Variants in PRPF6 observed in about 807,000 individuals in gnomAD.
PRPF6 encodes the protein pre-mRNA processing factor 6.
A neutral mutation model predicts 118.3 loss-of-function variants in PRPF6; 42 were observed. The ratio of observed to expected loss-of-function variants is 0.35; its 90% CI spans 0.28 to 0.46. PRPF6 has a LOEUF of 0.46. Ranked by LOEUF, PRPF6 falls within the 20% of genes least tolerant of loss-of-function variation. The pLI is 1.00. For synonymous variants in PRPF6, 481 were observed against 485.1 expected, an observed-to-expected ratio of 0.99 and a Z score of 0.11; for missense variants, 662 against 1,255.7, an observed-to-expected ratio of 0.53 and a Z score of 7.15.
chr20:64,032,916 A>G lies in PRPF6; in HGVS notation c.2749A>G (p.Lys917Glu). Residue 917 changes from lysine (K) to glutamate (E), a missense_variant, in exon 21 of 21, where the codon AAG (lysine) becomes GAG (glutamate). By Grantham distance (56) the Lys-to-Glu change is moderately conservative. Coordinates refer to ENST00000266079, the MANE Select transcript of PRPF6 (RefSeq NM_012469.4). ...TGGGGAGCTGTGGTGCGCCGTGTCC[A>G]AGGACATCGCCAACTGGCAGAAGAA... Reference protein sequence around the residue: ...RHGELWCAVSKDIANWQKKIG... With the variant: ...RHGELWCAVSEDIANWQKKIG... The G allele has an allele frequency of 6.2e-7, 1 of 1,613,450 alleles. No individual in the cohort carries two copies. Among genetic ancestry groups the G allele is most frequent in the Non-Finnish European group, 8.5e-7 (1 of 1,180,036 alleles).
At chr20:63,999,270 G>A in intron 7 of PRPF6, 131 bp downstream of exon 7, 1 of 815,206 alleles carries the variant, frequency 1.2e-6, no homozygotes, top group Non-Finnish European at 2.1e-6. Flanking sequence ...GGAGTAGTTT[G>A]TTTTTTCCAT....
chr20:63,994,455 G>A (rs755787378), intron 4 of PRPF6, among the ~76,000 whole-genome samples: 7 of 152,210 alleles, frequency 4.6e-5, no homozygotes, highest in Non-Finnish European at 7.3e-5. Context: ...ACCGTGCCCG[G>A]CCTAAATTGA....
chr20:64,007,958 G>A (rs756290693), intron 9 of PRPF6, among the ~76,000 whole-genome samples: 4 of 152,092 alleles, frequency 2.6e-5, no homozygotes, highest in Admixed American at 6.6e-5. Context: ...TGTATTTTTA[G>A]TAGAGACAAG....
At chr20:64,023,496 C>T (rs2059275195) in intron 13 of PRPF6, among the ~76,000 whole-genome samples, 1 of 152,212 alleles carries the variant, frequency 6.6e-6, no homozygotes, top group South Asian at 2.1e-4. Context: ...GGGTGATGCT[C>T]CCTGTACCAG....
At chr20:64,000,912 G>A (rs894659665) in intron 8 of PRPF6, among the ~76,000 whole-genome samples, 165 bp from the exon 9 acceptor site, 2 of 152,206 alleles carry the variant, frequency 1.3e-5, no homozygotes, top group Non-Finnish European at 2.9e-5. Context: ...GTTCCCAAGT[G>A]TGGTTATAAG....
At chr20:64,024,903 C>G (rs982119018) in intron 14 of PRPF6, among the ~76,000 whole-genome samples, 1 of 152,088 alleles carries the variant, frequency 6.6e-6, no homozygotes, top group African/African-American at 2.4e-5. Flanking sequence ...ACCTCTCGGT[C>G]CCCCCACTCA....
At chr20:64,003,101 G>A (rs183811601) in intron 9 of PRPF6, among the ~76,000 whole-genome samples, 1 of 152,088 alleles carries the variant, frequency 6.6e-6, no homozygotes, top group Admixed American at 6.6e-5. Context: ...CCACCCCCAT[G>A]CCCAGCTATT....
At chr20:64,021,427 C>T (rs986048594) in intron 12 of PRPF6, among the ~76,000 whole-genome samples, 56 of 143,768 alleles carry the variant, frequency 3.9e-4, no homozygotes, top group African/African-American at 1.5e-3. Context: ...TGTGTGTGCA[C>T]GTATGCATAT....
intron 4 of PRPF6, 70 bp from the exon 5 acceptor site, chr20:63,994,846 G>T: frequency 2.5e-6 from 4 of 1,589,590 alleles, no homozygotes; most frequent in Middle Eastern, 1.7e-4. Flanking sequence ...GGTGAGAGAG[G>T]GCATGGTCCT....
chr20:64,011,020 G>A lies in PRPF6; in HGVS notation c.1306-265G>A, dbSNP rs369636268. Among the ~76,000 whole-genome samples, 3 of 152,292 alleles carry A rather than the reference G, an allele frequency of 2.0e-5. No individual in the cohort carries two copies. The highest frequency in any genetic ancestry group is 7.2e-5 in the African/African-American group (3 of 41,560). On this transcript the variant is annotated intron_variant, in intron 10 of 20. Transcript: ENST00000266079. The surrounding 1 kb of genome is among the most constrained non-coding windows in gnomAD (Gnocchi z 6.7). ...CAGCCCCTGGTATCAGGTCTGGCGT[G>A]CTGTGTGCCTGGAGGCTGTGTTTGT... is the stretch of plus-strand genomic sequence containing the variant.
At chr20:63,999,473 G>T in intron 7 of PRPF6, 130 bp from the exon 8 acceptor site, 3 of 1,302,158 alleles carry the variant, frequency 2.3e-6, no homozygotes, top group Non-Finnish European at 3.3e-6. Context: ...TTTTGAGTTG[G>T]TTTTTGTAAC....
intron 9 of PRPF6, 63 bp downstream of exon 9, chr20:64,001,302 C>G (rs2059165360): frequency 1.3e-6 from 2 of 1,571,984 alleles, no homozygotes; most frequent in South Asian, 1.1e-5. Context: ...AGCAGCTTTC[C>G]TGCTCCTGGC....
intron 6 of PRPF6, 53 bp downstream of exon 6, chr20:63,995,535 T>A: frequency 6.2e-7 from 1 of 1,608,854 alleles, no homozygotes; most frequent in Non-Finnish European, 8.5e-7. Context: ...AGTTTAATTT[T>A]GTTTTGTTTT....
chr20:64,011,066 T>G lies in PRPF6; in HGVS notation c.1306-219T>G, dbSNP rs1411509030. 1.3e-5 allele frequency among the ~76,000 whole-genome samples: 2 copies of G among 152,160 alleles called. No individual in the cohort carries two copies. Among genetic ancestry groups the G allele is most frequent in the Non-Finnish European group, 2.9e-5 (2 of 68,020 alleles). On this transcript the variant is annotated intron_variant, in intron 10 of 20. Coordinates refer to ENST00000266079, the MANE Select transcript of PRPF6 (RefSeq NM_012469.4). The surrounding 1 kb of genome is among the most constrained non-coding windows in gnomAD (Gnocchi z 6.7). ...TTTGTGAACATTCAACTGAGAATCTTTTGATGCTCACGAGAGTCACTAAAT... is the reference window on the plus strand; with the variant it reads ...TTTGTGAACATTCAACTGAGAATCTGTTGATGCTCACGAGAGTCACTAAAT...
At chr20:63,993,603 C>A (rs1372753562) in intron 4 of PRPF6, 118 bp downstream of exon 4, 2 of 807,756 alleles carry the variant, frequency 2.5e-6, no homozygotes, top group Non-Finnish European at 4.2e-6. Flanking sequence ...TTTAGGGGGT[C>A]ATTGCTTAGA....
intron 2 of PRPF6, among the ~76,000 whole-genome samples, chr20:63,983,784 A>C (rs1476143245): frequency 6.6e-6 from 1 of 151,642 alleles, no homozygotes; most frequent in African/African-American, 2.4e-5. Flanking sequence ...TCTCCAAGTA[A>C]CTGGGATTAC....
At chr20:64,018,733 G>A (rs1253224149) in intron 12 of PRPF6, among the ~76,000 whole-genome samples, 1 of 151,948 alleles carries the variant, frequency 6.6e-6, no homozygotes, top group Non-Finnish European at 1.5e-5. Flanking sequence ...AAAGTATGTA[G>A]GATTACAGGC....
chr20:63,997,131 C>T (rs995877399), intron 6 of PRPF6, among the ~76,000 whole-genome samples: 1 of 152,168 alleles, frequency 6.6e-6, no homozygotes, highest in African/African-American at 2.4e-5. Flanking sequence ...ATTGAGTCCC[C>T]GTGCGCTTTC....
chr20:64,025,753 G>A (rs1471151134), intron 14 of PRPF6, among the ~76,000 whole-genome samples, 186 bp from the exon 15 acceptor site: 8 of 152,342 alleles, frequency 5.3e-5, no homozygotes, highest in South Asian at 4.1e-4. Flanking sequence ...GTGTTTCCAG[G>A]TGAGTCTGGA....
Sources: allele counts gnomAD v4.1 joint callset (sites outside exome capture counted in the v4.1 genomes callset), GRCh38; gene constraint gnomAD v4.1.1; non-coding constraint Gnocchi (gnomAD v3.1); transcripts MANE v1.5; gene names NCBI Gene and HGNC (gene_info 2026-07-23, HGNC 2026-07-21).